The following CKMT2 variants were observed in gnomAD, a reference collection of about 807,000 sequenced individuals.
CKMT2 encodes the protein creatine kinase S-type, mitochondrial.
CKMT2 carries 43 observed loss-of-function variants against 48.9 expected under a neutral mutation model. That is an observed-to-expected ratio of 0.88 (90% CI 0.69 to 1.13). The LOEUF (loss-of-function observed/expected upper bound fraction) is 1.13. Ranked by LOEUF, CKMT2 falls within the 50% of genes most tolerant of loss-of-function variation. The probability of loss-of-function intolerance (pLI) is 0.00; values close to 1 mark genes in which losing one functional copy is unlikely to be tolerated. For missense variants in CKMT2, 472 were observed against 555.4 expected (o/e 0.85, Z 1.51); for synonymous variants, 206 against 213.0 (o/e 0.97, Z 0.29).
chr5:81,256,921 T>C lies in CKMT2; in HGVS notation c.676T>C (p.Phe226Leu). 6.2e-7 allele frequency: 1 copy of C among 1,613,488 alleles called. No individual in the cohort carries two copies. Among genetic ancestry groups the C allele is most frequent in the Non-Finnish European group, 8.5e-7 (1 of 1,179,508 alleles). The change falls in exon 6 of 10, where the codon TTT becomes CTT. Residue 226 changes from phenylalanine (F) to leucine (L), a missense_variant. Transcript: ENST00000254035. Reference protein sequence around the residue: ...QDQQRLIDDHFLFDKPVSPLL... With the variant: ...QDQQRLIDDHLLFDKPVSPLL... ...TATCCCTTTTGGCCTACAGGACCAC[T>C]TTCTGTTTGATAAGCCAGTGTCCCC...
intron 9 of CKMT2, 108 bp from the exon 10 acceptor site, chr5:81,266,031 A>G (rs1386945706): frequency 2.2e-6 from 2 of 891,680 alleles, no homozygotes; most frequent in Non-Finnish European, 3.5e-6. Flanking sequence ...ATTGTTGTGA[A>G]GTCCATCTAA....
In CKMT2 at chr5:81,251,250, G is replaced by A. The variant is rs748332374; in HGVS notation, c.118G>A (p.Glu40Lys). Reference sequence around the variant, plus strand: ...GCTGAACCGGCAGAAAGTGTGTGCCGAGGTCCGGGAGCAGCCTAGGCTATT... The same window carrying A: ...GCTGAACCGGCAGAAAGTGTGTGCCAAGGTCCGGGAGCAGCCTAGGCTATT... Reference protein sequence around the residue: ...YLLNRQKVCAEVREQPRLFPP... With the variant: ...YLLNRQKVCAKVREQPRLFPP... Residue 40 changes from glutamate to lysine, a missense_variant, in exon 2 of 10, where the codon GAG (glutamate) becomes AAG (lysine). Physicochemically the swap from Glu to Lys is moderately conservative, Grantham distance 56. Coordinates refer to ENST00000254035, the MANE Select transcript of CKMT2 (RefSeq NM_001099735.2). 8.7e-6 allele frequency: 14 copies of A among 1,613,976 alleles called. No homozygotes were observed. The highest frequency in any genetic ancestry group is 1.1e-5 in the Non-Finnish European group (13 of 1,180,014).
rs1756864840 is a variant in CKMT2, at chr5:81,252,731, C to T, written c.189C>T (p.Cys63=). The stretch of plus-strand genomic sequence containing the variant: ...CAGACCTGCGCAAGCACAACAACTG[C>T]ATGGCCGAGTGCCTCACCCCCGCCA... ...DYPDLRKHNN[C]MAECLTPAIY... The change falls in exon 3 of 10, where the codon TGC becomes TGT. Residue 63 remains cysteine (C), a synonymous_variant. Transcript: ENST00000254035. The T allele has an allele frequency of 6.2e-7, 1 of 1,614,216 alleles. No individual in the cohort carries two copies.
At chr5:81,235,481 G>T (rs1756217128) in intron 1 of CKMT2, among the ~76,000 whole-genome samples, 1 of 152,158 alleles carries the variant, frequency 6.6e-6, no homozygotes, top group South Asian at 2.1e-4. Flanking sequence ...CCTTCCACCT[G>T]CCCTCTGGCT....
intron 5 of CKMT2, among the ~76,000 whole-genome samples, chr5:81,256,498 A>G (rs1456253993): frequency 1.3e-5 from 2 of 152,244 alleles, no homozygotes; most frequent in African/African-American, 4.8e-5. Context: ...ATGAAGCAAT[A>G]ATGCTAGAAA....
At chr5:81,235,344 C>T (rs914306777) in intron 1 of CKMT2, among the ~76,000 whole-genome samples, 208 of 152,286 alleles carry the variant, frequency 1.4e-3, no homozygotes, top group African/African-American at 4.8e-3. Flanking sequence ...GCATTTTCTG[C>T]GGCCTAGGAG....
At chr5:81,249,807 T>C (rs559951650) in intron 1 of CKMT2, among the ~76,000 whole-genome samples, 4 of 152,342 alleles carry the variant, frequency 2.6e-5, no homozygotes, top group African/African-American at 9.6e-5. Context: ...GTGACAGTTA[T>C]TGCTTCTAAA....
intron 4 of CKMT2, 39 bp downstream of exon 4, chr5:81,254,530 C>A (rs773392416): frequency 1.3e-6 from 2 of 1,571,794 alleles, no homozygotes; most frequent in African/African-American, 1.3e-5. Flanking sequence ...ACGAAGCTGG[C>A]ACTCCTGAGC....
chr5:81,262,155 T>A (rs1757244642), intron 8 of CKMT2, among the ~76,000 whole-genome samples: 1 of 152,166 alleles, frequency 6.6e-6, no homozygotes, highest in African/African-American at 2.4e-5. Flanking sequence ...AAACTGAAAC[T>A]GGACCCCTTC....
chr5:81,258,516 G>A (rs1757094112), intron 7 of CKMT2, among the ~76,000 whole-genome samples: 1 of 152,146 alleles, frequency 6.6e-6, no homozygotes, highest in Non-Finnish European at 1.5e-5. Context: ...CATTCATCAA[G>A]TGCTTAGTAC....
At chr5:81,264,102 A>AAGAT (rs1757319126) in intron 9 of CKMT2, among the ~76,000 whole-genome samples, 1 of 152,210 alleles carries the variant, frequency 6.6e-6, no homozygotes, top group African/African-American at 2.4e-5. Context: ...TCTTAGGCTA[A>AAGAT]AGATAGCAAC....
Position 81,251,959 on chromosome 5 carries a change from T to C in CKMT2, c.152+675T>C, listed in dbSNP as rs577066758. 2.6e-5 allele frequency: 4 copies of C among 153,600 alleles called. No individual in the cohort carries two copies. In the South Asian group the frequency reaches 6.2e-4, roughly 24 times the overall value. The allele number at this position is 153,600 out of a possible 1,614,324, so 9.5% of individuals were successfully genotyped here. ...ACAGTGCCCAAGTTCACATAGCTAG[T>C]ACAGCGAAATGCAAATCCAGGCCCC... On this transcript the variant is annotated intron_variant, in intron 2 of 9. Coordinates refer to ENST00000254035, the MANE Select transcript of CKMT2 (RefSeq NM_001099735.2).
chr5:81,262,284 A>C (rs1004224984), intron 8 of CKMT2, among the ~76,000 whole-genome samples: 3 of 152,246 alleles, frequency 2.0e-5, no homozygotes, highest in Non-Finnish European at 4.4e-5. Context: ...AGGCATGGGC[A>C]AAGACTTCAT....
At chr5:81,246,126 A>C (rs1413492026) in intron 1 of CKMT2, among the ~76,000 whole-genome samples, 1 of 150,964 alleles carries the variant, frequency 6.6e-6, no homozygotes. Context: ...GTCCCTCTAA[A>C]CCATTCTCCA....
intron 1 of CKMT2, among the ~76,000 whole-genome samples, chr5:81,234,017 TAATTAAA>T (rs1456030347): frequency 7.2e-4 from 76 of 105,806 alleles, no homozygotes; most frequent in South Asian, 2.9e-3. Context: ...CACCGGAGGT[TAATTAAA>T]AAAAAAAAAA....
chr5:81,249,120 C>A (rs996265717), intron 1 of CKMT2, among the ~76,000 whole-genome samples: 1 of 150,714 alleles, frequency 6.6e-6, no homozygotes, highest in African/African-American at 2.4e-5. Context: ...ATAATCTTGG[C>A]TCACTACAAC....
At chr5:81,252,495 A>G (rs1374914214) in intron 2 of CKMT2, among the ~76,000 whole-genome samples, 200 bp from the exon 3 acceptor site, 1 of 152,226 alleles carries the variant, frequency 6.6e-6, no homozygotes, top group Non-Finnish European at 1.5e-5. Context: ...TCAAAAAGGC[A>G]AAGTCCCCGC....
chr5:81,235,789 A>T (rs1249692131), intron 1 of CKMT2: 1 of 152,228 alleles, frequency 6.6e-6, no homozygotes, highest in Non-Finnish European at 1.5e-5. Flanking sequence ...TGCGGAGGGC[A>T]GTGTAGGAAC....
At chr5:81,257,946 A>T (rs1287911073) in intron 7 of CKMT2, 90 bp downstream of exon 7, 7 of 1,275,784 alleles carry the variant, frequency 5.5e-6, no homozygotes, top group African/African-American at 1.5e-5. Context: ...GTAACTTCCA[A>T]GATGGAGCTA....
Sources: gnomAD v4.1 joint callset for allele counts (sites outside exome capture counted in the v4.1 genomes callset) on GRCh38, gnomAD v4.1.1 for gene constraint, MANE v1.5 for transcripts, NCBI Gene and HGNC (gene_info 2026-07-23, HGNC 2026-07-21) for gene names.